Variants in RNF19A observed in about 807,000 individuals in gnomAD.
RNF19A encodes E3 ubiquitin-protein ligase RNF19A.
A neutral mutation model predicts 75.7 loss-of-function variants in RNF19A; 32 were observed. The ratio of observed to expected loss-of-function variants is 0.42; its 90% CI spans 0.32 to 0.57. RNF19A has a LOEUF of 0.57. RNF19A is among the 20% of genes least tolerant of loss of function. The probability of loss-of-function intolerance (pLI) is 0.10; values close to 1 mark genes in which losing one functional copy is unlikely to be tolerated. For synonymous variants in RNF19A, 335 were observed against 345.2 expected, an observed-to-expected ratio of 0.97 and a Z score of 0.33; for missense variants, 782 against 1,036.3, an observed-to-expected ratio of 0.75 and a Z score of 3.37.
chr8:100,309,300 T>G, intron 1 of RNF19A: 1 of 985,254 alleles, frequency 1.0e-6, no homozygotes, highest in Non-Finnish European at 1.2e-6. Flanking sequence ...GGACTAACCT[T>G]CCTCCGAACA....
At chr8:100,316,879 G>A (rs1024312247) in intron 1 of RNF19A, among the ~76,000 whole-genome samples, 1 of 152,246 alleles carries the variant, frequency 6.6e-6, no homozygotes, top group Admixed American at 6.5e-5. Flanking sequence ...GTGGGTGGGA[G>A]GCTCAGGCAT....
At chr8:100,314,943 G>A (rs968466119), upstream of RNF19A, among the ~76,000 whole-genome samples, 3 of 152,256 alleles carry the variant, frequency 2.0e-5, no homozygotes, top group South Asian at 2.1e-4. The surrounding 1 kb of genome is among the most constrained non-coding windows in gnomAD (Gnocchi z 4.1). Flanking sequence ...TAGGTGCTGC[G>A]AGACACCAAT....
chr8:100,317,006 C>T lies in RNF19A; in HGVS notation c.-242-3634G>A, dbSNP rs550243837. Reference sequence around the variant, plus strand: ...GGGGACCCAGTACACTCTCCGCAGCCGCTGGCCCGGGTGCTAAGTCCCTCA... The same window carrying T: ...GGGGACCCAGTACACTCTCCGCAGCTGCTGGCCCGGGTGCTAAGTCCCTCA... On this transcript the variant is annotated intron_variant, in intron 1 of 3. Coordinates refer to the RNF19A transcript ENST00000519527. This position sits in a 1 kb window ranked among gnomAD's most constrained non-coding sequence, Gnocchi z 4.3. 2.6e-5 allele frequency among the ~76,000 whole-genome samples: 4 copies of T among 152,344 alleles called. No homozygotes were observed. Among genetic ancestry groups the T allele is most frequent in the East Asian group, 1.9e-4 (1 of 5,194 alleles).
At chr8:100,315,562 C>T (rs1387622858) in intron 1 of RNF19A, among the ~76,000 whole-genome samples, 1 of 152,324 alleles carries the variant, frequency 6.6e-6, no homozygotes, top group South Asian at 2.1e-4. Flanking sequence ...TCCTCCTTAC[C>T]TGTCCTTATG....
chr8:100,261,843 T>C lies in RNF19A; in HGVS notation c.1469-88A>G. ...TCCTCCATGATTTCAGAGAGGACATTATATAAGGTATAAAATATACGCAGA... is the reference window on the plus strand; with the variant it reads ...TCCTCCATGATTTCAGAGAGGACATCATATAAGGTATAAAATATACGCAGA... On this transcript the variant is annotated intron_variant, in intron 7 of 9. Coordinates refer to ENST00000341084, the MANE Select transcript of RNF19A (RefSeq NM_183419.4). This position sits in a 1 kb window ranked among gnomAD's most constrained non-coding sequence, Gnocchi z 4.4. 3 of 1,300,310 alleles carry C rather than the reference T, an allele frequency of 2.3e-6. No individual in the cohort carries two copies. The highest frequency in any genetic ancestry group is 1.8e-5 in the Admixed American group (1 of 57,074). 80.5% of individuals were successfully genotyped at this position (1,300,310 alleles called of 1,614,324 possible). A position where few individuals can be genotyped will look rare whatever the true frequency, so the allele number is the denominator to read the frequency against.
upstream of RNF19A, among the ~76,000 whole-genome samples, chr8:100,313,105 C>G (rs1225079282): frequency 6.6e-6 from 1 of 152,212 alleles, no homozygotes; most frequent in East Asian, 1.9e-4. Context: ...TTTCCCTCCT[C>G]TCTTCTAATT....
chr8:100,305,518 T>C (rs1435614821), intron 1 of RNF19A, among the ~76,000 whole-genome samples: 1 of 152,264 alleles, frequency 6.6e-6, no homozygotes, highest in African/African-American at 2.4e-5. Context: ...TTATGAAAAC[T>C]AATTTTGCCT....
At chr8:100,297,775 C>T (rs1204032658) in intron 1 of RNF19A, among the ~76,000 whole-genome samples, 1 of 152,136 alleles carries the variant, frequency 6.6e-6, no homozygotes, top group African/African-American at 2.4e-5. Flanking sequence ...TTTTCTGTTA[C>T]AGATACAATT....
chr8:100,265,209 T>C (rs1417821950), intron 5 of RNF19A, among the ~76,000 whole-genome samples: 1 of 152,210 alleles, frequency 6.6e-6, no homozygotes, highest in African/African-American at 2.4e-5. Flanking sequence ...AATTGGCTTC[T>C]AGGGAAGGTT....
intron 1 of RNF19A, among the ~76,000 whole-genome samples, chr8:100,320,438 C>T (rs1338604607): frequency 6.6e-6 from 1 of 152,124 alleles, no homozygotes; most frequent in Non-Finnish European, 1.5e-5. Context: ...AGGTTATATG[C>T]CTAGAAGCAG....
intron 7 of RNF19A, among the ~76,000 whole-genome samples, chr8:100,262,143 T>A (rs1478479182): frequency 2.0e-5 from 3 of 152,204 alleles, no homozygotes; most frequent in Non-Finnish European, 4.4e-5. Flanking sequence ...CAAGCTATTA[T>A]TAAGATCTGA....
chr8:100,314,377 T>C (rs868829944), upstream of RNF19A, among the ~76,000 whole-genome samples: 1 of 152,132 alleles, frequency 6.6e-6, no homozygotes, highest in Non-Finnish European at 1.5e-5. This position sits in a 1 kb window ranked among gnomAD's most constrained non-coding sequence, Gnocchi z 4.1. Context: ...AATTAGGATC[T>C]GAGGCACAAG....
intron 1 of RNF19A, among the ~76,000 whole-genome samples, chr8:100,295,319 C>G (rs1382489749): frequency 2.0e-5 from 3 of 152,138 alleles, no homozygotes; most frequent in African/African-American, 7.2e-5. Flanking sequence ...CTTTTGACAG[C>G]ACTCTATTTT....
intron 1 of RNF19A, among the ~76,000 whole-genome samples, chr8:100,316,675 G>C (rs572672792): frequency 6.6e-6 from 1 of 152,186 alleles, no homozygotes; most frequent in Admixed American, 6.5e-5. Flanking sequence ...GACTCTCCAC[G>C]TCCCCACCAG....
Position 100,297,875 on chromosome 8 carries a change from T to C in RNF19A, c.-93-9608A>G, listed in dbSNP as rs368402617. ...TTGGGGGGAAAGGTTTTTTAAATGC[T>C]ATATAAATATGGGGTAGTGATAGAG... On this transcript the variant is annotated intron_variant, in intron 1 of 9. Transcript: ENST00000341084. Among the ~76,000 whole-genome samples the C allele has an allele frequency of 8.5e-5, 13 of 152,328 alleles. 1 individual carries two copies. The South Asian group carries it at 2.5e-3, about 29-fold the overall frequency.
At chr8:100,294,204 G>C (rs1821439776) in intron 1 of RNF19A, among the ~76,000 whole-genome samples, 1 of 152,230 alleles carries the variant, frequency 6.6e-6, no homozygotes, top group African/African-American at 2.4e-5. Context: ...GTAGTCTCTT[G>C]TCTTCTCCTG....
rs1477207586 is a variant in RNF19A, at chr8:100,288,186, C to T, written c.-12G>A. 1 of 1,583,136 alleles carries T rather than the reference C, an allele frequency of 6.3e-7. No homozygotes were observed. Among genetic ancestry groups the T allele is most frequent in the African/African-American group, 1.4e-5 (1 of 74,010 alleles). On this transcript the variant is annotated 5_prime_UTR_variant, in exon 2 of 10. The change abolishes an upstream ATG in the 5' untranslated region. Coordinates refer to ENST00000341084, the MANE Select transcript of RNF19A (RefSeq NM_183419.4). ...TCTTGTTCTTGCATTCACATTAAGT[C>T]ATGATGTAAGAATATCCTACTTGGT...
intron 1 of RNF19A, among the ~76,000 whole-genome samples, chr8:100,318,645 G>A (rs753025478): frequency 6.6e-6 from 1 of 152,144 alleles, no homozygotes; most frequent in Non-Finnish European, 1.5e-5. Context: ...ATTATCTAGC[G>A]AGTGAAATGA....
chr8:100,330,735 G>A lies in RNF19A; in HGVS notation c.-243+5373C>T, dbSNP rs1822598142. Among the ~76,000 whole-genome samples the A allele has an allele frequency of 6.6e-6, 1 of 152,194 alleles. No individual in the cohort carries two copies. Among genetic ancestry groups the A allele is most frequent in the African/African-American group, 2.4e-5 (1 of 41,454 alleles). On this transcript the variant is annotated intron_variant, in intron 1 of 3. Coordinates refer to the RNF19A transcript ENST00000519527. The surrounding 1 kb of genome is among the most constrained non-coding windows in gnomAD (Gnocchi z 4.1). ...CTCTCCATCTCTTGAAGCCAAAGTA[G>A]TCTGAACAATATGTTTGTCCTTTCA...
Sources: allele counts gnomAD v4.1 joint callset (sites outside exome capture counted in the v4.1 genomes callset), GRCh38; gene constraint gnomAD v4.1.1; non-coding constraint Gnocchi (gnomAD v3.1); transcripts MANE v1.5; gene names NCBI Gene and HGNC (gene_info 2026-07-23, HGNC 2026-07-21).